Variants in PRICKLE2 observed in about 807,000 individuals in gnomAD.
PRICKLE2 encodes prickle-like protein 2.
Under a neutral mutation model 81.4 loss-of-function variants are expected in PRICKLE2, and 21 were observed. The observed-to-expected ratio is 0.26, with a 90% CI of 0.18 to 0.37. PRICKLE2 has a LOEUF of 0.37. Among genes scored for constraint, PRICKLE2 ranks in the 10% least tolerant of loss-of-function variants. The pLI, the probability that PRICKLE2 is intolerant of heterozygous loss-of-function variation, is 1.00. For synonymous variants in PRICKLE2, 456 were observed against 421.5 expected (o/e 1.08, Z -1.00); for missense variants, 940 against 1,109.0 (o/e 0.85, Z 2.16).
intron 2 of PRICKLE2, among the ~76,000 whole-genome samples, chr3:64,194,684 A>T (rs141520346): frequency 8.5e-5 from 13 of 152,280 alleles, no homozygotes; most frequent in African/African-American, 3.1e-4. Context: ...ATCTACTGTA[A>T]ATGTATCATC....
intron 1 of PRICKLE2, chr3:64,200,817 A>C (rs549062020): frequency 6.6e-6 from 1 of 151,904 alleles, no homozygotes; most frequent in African/African-American, 2.4e-5. Flanking sequence ...GGGTTTCACC[A>C]TGTTGGCCAG....
At chr3:64,183,359 A>T (rs1429104781) in intron 2 of PRICKLE2, among the ~76,000 whole-genome samples, 1 of 152,148 alleles carries the variant, frequency 6.6e-6, no homozygotes, top group African/African-American at 2.4e-5. Flanking sequence ...TTTAAAAGTT[A>T]TTTTATGTTC....
chr3:64,177,619 C>T (rs2078049197), intron 2 of PRICKLE2, among the ~76,000 whole-genome samples: 1 of 152,096 alleles, frequency 6.6e-6, no homozygotes, highest in East Asian at 1.9e-4. Flanking sequence ...TACTGTCTGT[C>T]TCTATGAGTC....
intron 2 of PRICKLE2, 118 bp downstream of exon 2, chr3:64,198,666 C>T (rs2078508834): frequency 8.9e-7 from 1 of 1,118,040 alleles, no homozygotes; most frequent in Admixed American, 1.7e-5. Flanking sequence ...ACATATTTAG[C>T]CCTACCACTT....
intron 1 of PRICKLE2, among the ~76,000 whole-genome samples, chr3:64,222,669 T>C (rs1374793834): frequency 6.6e-6 from 1 of 152,134 alleles, no homozygotes; most frequent in African/African-American, 2.4e-5. Flanking sequence ...ACCCAGATGG[T>C]GGCAAAAATT....
intron 2 of PRICKLE2, among the ~76,000 whole-genome samples, chr3:64,230,845 A>C (rs984546110): frequency 6.6e-6 from 1 of 152,204 alleles, no homozygotes; most frequent in Non-Finnish European, 1.5e-5. Context: ...AGCATATAGT[A>C]GGTGTTAAAT....
chr3:64,209,915 A>T (rs1220180184), intron 1 of PRICKLE2, among the ~76,000 whole-genome samples: 2 of 152,216 alleles, frequency 1.3e-5, no homozygotes, highest in Non-Finnish European at 2.9e-5. Flanking sequence ...TGATGAGAAG[A>T]CTATGAGGCA....
At chr3:64,248,531 T>A (rs1261562237) in intron 2 of PRICKLE2, among the ~76,000 whole-genome samples, 2 of 152,112 alleles carry the variant, frequency 1.3e-5, no homozygotes, top group Non-Finnish European at 2.9e-5. Flanking sequence ...AGGTGGTGAC[T>A]TGAACCACAG....
At chr3:64,257,093 G>C (rs2079536731) in intron 2 of PRICKLE2, among the ~76,000 whole-genome samples, 1 of 152,132 alleles carries the variant, frequency 6.6e-6, no homozygotes, top group African/African-American at 2.4e-5. Flanking sequence ...TCATAGTAAT[G>C]CTTCACCCAT....
Position 64,096,211 on chromosome 3 carries a change from G to A in PRICKLE2, c.*2840C>T, listed in dbSNP as rs2076570467. The A allele has an allele frequency of 1.3e-5, 2 of 152,192 alleles. No individual in the cohort carries two copies. The highest frequency in any genetic ancestry group is 4.8e-5 in the African/African-American group (2 of 41,412). 9.4% of individuals were successfully genotyped at this position (152,192 alleles called of 1,614,324 possible). On this transcript the variant is annotated 3_prime_UTR_variant, in exon 8 of 8. Coordinates refer to ENST00000638394, the MANE Select transcript of PRICKLE2 (RefSeq NM_198859.4). ...TGGAGAAGAGAGAACGCTGGAAAAA[G>A]ATTACTATTCTGGAAATCAGTCTCT...
chr3:64,215,159 G>A (rs116672959), intron 1 of PRICKLE2, among the ~76,000 whole-genome samples: 1 of 152,030 alleles, frequency 6.6e-6, no homozygotes, highest in Non-Finnish European at 1.5e-5. Context: ...CTTAACCATA[G>A]CCTACAAGAC....
chr3:64,164,107 T>A, intron 2 of PRICKLE2, among the ~76,000 whole-genome samples: 1 of 152,034 alleles, frequency 6.6e-6, no homozygotes, highest in Non-Finnish European at 1.5e-5. Context: ...GCATGGTGGC[T>A]CACACCTGAA....
At chr3:64,152,399 A>G (rs559550779) in intron 6 of PRICKLE2, among the ~76,000 whole-genome samples, 102 of 152,324 alleles carry the variant, frequency 6.7e-4, no homozygotes, top group African/African-American at 2.2e-3. Context: ...ATGCAGTATG[A>G]TCTGGAACAG....
intron 6 of PRICKLE2, among the ~76,000 whole-genome samples, chr3:64,150,794 G>A (rs1313235662): frequency 2.6e-5 from 4 of 152,186 alleles, no homozygotes; most frequent in East Asian, 3.9e-4. Context: ...CGGGATGGGG[G>A]CCTCATGGAA....
At chr3:64,151,275 AG>A (rs1052897192) in intron 6 of PRICKLE2, among the ~76,000 whole-genome samples, 3 of 152,250 alleles carry the variant, frequency 2.0e-5, no homozygotes, top group South Asian at 4.1e-4. Context: ...AACAAACATT[AG>A]GGACAGCATT....
chr3:64,241,390 A>G (rs2079262954), intron 2 of PRICKLE2, among the ~76,000 whole-genome samples: 1 of 152,142 alleles, frequency 6.6e-6, no homozygotes, highest in South Asian at 2.1e-4. Context: ...GCTCACATTT[A>G]TTATCCTGCT....
At chr3:64,215,362 T>G in intron 1 of PRICKLE2, among the ~76,000 whole-genome samples, 1 of 152,224 alleles carries the variant, frequency 6.6e-6, no homozygotes, top group East Asian at 1.9e-4. Context: ...TGGTCTGCTT[T>G]TCACTATTCC....
intron 2 of PRICKLE2, among the ~76,000 whole-genome samples, chr3:64,195,164 G>C (rs2078426637): frequency 6.6e-6 from 1 of 152,186 alleles, no homozygotes; most frequent in African/African-American, 2.4e-5. Flanking sequence ...CAAAGGATCT[G>C]AACAACTTCT....
intron 2 of PRICKLE2, among the ~76,000 whole-genome samples, chr3:64,194,927 C>T (rs534666176): frequency 1.2e-4 from 18 of 152,176 alleles, no homozygotes; most frequent in East Asian, 1.2e-3. Flanking sequence ...CCTGCAGTCC[C>T]AGCTACTTAG....
Sources: gnomAD v4.1 joint callset for allele counts (sites outside exome capture counted in the v4.1 genomes callset) on GRCh38, gnomAD v4.1.1 for gene constraint, MANE v1.5 for transcripts, NCBI Gene and HGNC (gene_info 2026-07-23, HGNC 2026-07-21) for gene names.